ECM1: variants seen among roughly 807,000 people sequenced by gnomAD.
ECM1 encodes the protein secretory component p85.
In ECM1, 54 loss-of-function variants were observed where a neutral mutation model predicts 57.9. The ratio of observed to expected loss-of-function variants is 0.93; its 90% CI spans 0.75 to 1.17. The LOEUF (loss-of-function observed/expected upper bound fraction) is 1.17. Among genes scored for constraint, ECM1 ranks in the 50% most tolerant of loss-of-function variants. The probability of loss-of-function intolerance (pLI) is 0.00; values close to 1 mark genes in which losing one functional copy is unlikely to be tolerated. For missense variants in ECM1, 649 were observed against 688.1 expected (o/e 0.94, Z 0.64); for synonymous variants, 237 against 259.1 (o/e 0.91, Z 0.82).
In ECM1 at chr1:150,512,577, G is replaced by GTC. The variant is rs111691690; in HGVS notation, c.1304+6_1304+7insCT. 10,974 of 1,613,886 alleles carry GTC rather than the reference G, an allele frequency of 6.8e-3. 558 individuals are homozygous for GTC. In the African/African-American group the frequency reaches 0.12, roughly 17 times the overall value. On this transcript the variant is annotated splice_donor_region_variant and intron_variant, in intron 8 of 9. Transcript: ENST00000369047. Reference sequence around the variant, plus strand: ...CCAAAGAGTTCTCACCAAGCAGTAAGTTGCCTAGTCCTTCCCCACTCTCTT... The same window carrying GTC: ...CCAAAGAGTTCTCACCAAGCAGTAAGTCTTGCCTAGTCCTTCCCCACTCTCTT...
Position 150,513,763 on chromosome 1 carries a change from C to G in ECM1, c.*296C>G, listed in dbSNP as rs112603952. The G allele has an allele frequency of 0.019, 6,248 of 329,556 alleles. 357 individuals are homozygous for G. Among genetic ancestry groups the G allele is most frequent in the African/African-American group, 0.12 (5,564 of 48,326 alleles). 20.4% of individuals were successfully genotyped at this position (329,556 alleles called of 1,614,324 possible). On this transcript the variant is annotated 3_prime_UTR_variant, in exon 10 of 10. Transcript: ENST00000369047. ...GCAGATGTTCACAGGCTGTGGGATG[C>G]GACCATAACTAAACAGCTTGACGTC... is the stretch of plus-strand genomic sequence containing the variant.
chr1:150,513,026 A>G (rs1670485898), intron 9 of ECM1, among the ~76,000 whole-genome samples: 1 of 152,162 alleles, frequency 6.6e-6, no homozygotes, highest in Admixed American at 6.5e-5. Context: ...TCCGGGCCAC[A>G]AGCTTCTGGC....
At chr1:150,508,685 G>T (rs749438426) in intron 1 of ECM1, among the ~76,000 whole-genome samples, 1 of 152,124 alleles carries the variant, frequency 6.6e-6, no homozygotes, top group Non-Finnish European at 1.5e-5. Context: ...CTGATTAGAG[G>T]AGTTGAGGGG....
rs754788958 is a variant in ECM1 at position 150,511,110 on chromosome 1, G to A, written c.620G>A (p.Gly207Asp). The A allele has an allele frequency of 2.5e-6, 4 of 1,614,264 alleles. No homozygotes were observed. The highest frequency in any genetic ancestry group is 2.5e-6 in the Non-Finnish European group (3 of 1,180,054). ...QSSYSHLTRQ[G>D]ETLNFLEIGY... ...AGCTACTCCCACCTCACTCGCCAGG[G>A]TGAGACCCTCAATTTCCTGGAGATT... The change falls in exon 6 of 10, where the codon GGT becomes GAT. Residue 207 changes from glycine (G) to aspartate (D), a missense_variant. By Grantham distance (94) the Gly-to-Asp change is moderately conservative (BLOSUM62 -1). Transcript: ENST00000369047.
At position 150,509,685 on chromosome 1, in the gene ECM1, CA is replaced by C. The variant is rs2101429768; in HGVS notation, c.147del (p.Leu51TyrfsTer127). On this transcript the variant is annotated frameshift_variant, in exon 3 of 10. Coordinates refer to ENST00000369047, the MANE Select transcript of ECM1 (RefSeq NM_004425.4). LOFTEE classifies it high-confidence loss of function. ...QEVGYAAPPS[P>X]PLSRSLPMDH... is the part of the protein sequence containing the mutation. ...GTTGGCTACGCAGCTCCCCCCTCCC[CA>C]CCCCTATCCCGAAGCCTCCCCATGG... 2 of 1,612,684 alleles carry C rather than the reference CA, an allele frequency of 1.2e-6. No homozygotes were observed. The highest frequency in any genetic ancestry group is 1.7e-6 in the Non-Finnish European group (2 of 1,178,794).
At chr1:150,512,275 G>T in intron 7 of ECM1, 77 bp from the exon 8 acceptor site, 1 of 1,517,438 alleles carries the variant, frequency 6.6e-7, no homozygotes, top group Non-Finnish European at 9.1e-7. Flanking sequence ...AGTTGCCAGG[G>T]ACGATAAGGG....
rs374541753 is a variant in ECM1, at chr1:150,511,351, G to T, written c.709-106G>T. On this transcript the variant is annotated intron_variant, in intron 6 of 9. Coordinates refer to ENST00000369047, the MANE Select transcript of ECM1 (RefSeq NM_004425.4). ...CTCCCCAATGTGCCAGGGGAGCAGA[G>T]GACAACCACTGTCTCTTCTTTATCT... 418 of 1,604,280 alleles carry T rather than the reference G, an allele frequency of 2.6e-4. 3 individuals carry two copies. The South Asian group carries it at 3.1e-3, about 12-fold the overall frequency.
chr1:150,511,935 G>A, intron 7 of ECM1, 104 bp downstream of exon 7: 2 of 1,430,764 alleles, frequency 1.4e-6, no homozygotes, highest in Non-Finnish European at 1.9e-6. Context: ...CCTGCTGTGA[G>A]TGCGTCCACC....
chr1:150,512,984 G>A (rs904038783), intron 9 of ECM1, among the ~76,000 whole-genome samples, 172 bp downstream of exon 9: 1 of 152,140 alleles, frequency 6.6e-6, no homozygotes, highest in Admixed American at 6.5e-5. Context: ...GACCTGGCCT[G>A]CTCCCCATCT....
intron 1 of ECM1, among the ~76,000 whole-genome samples, chr1:150,508,515 C>T (rs1175692093): frequency 6.6e-6 from 1 of 152,110 alleles, no homozygotes; most frequent in Non-Finnish European, 1.5e-5. Context: ...GAATCCCAGT[C>T]AAATAGACAA....
chr1:150,508,197 C>A lies in ECM1; in HGVS notation c.-13C>A. On this transcript the variant is annotated 5_prime_UTR_variant, in exon 1 of 10. Transcript: ENST00000369047. The stretch of plus-strand genomic sequence containing the variant: ...GACCCACCTCTGAGTGTCCAGTGGT[C>A]AGTTGCCCCAGGATGGGGACCACAG... 6.2e-7 allele frequency: 1 copy of A among 1,613,974 alleles called. No homozygotes were observed. The highest frequency in any genetic ancestry group is 1.1e-5 in the South Asian group (1 of 91,040).
intron 1 of ECM1, among the ~76,000 whole-genome samples, chr1:150,508,695 G>A (rs768725777): frequency 3.3e-5 from 5 of 152,096 alleles, no homozygotes; most frequent in African/African-American, 1.2e-4. Context: ...GAGTTGAGGG[G>A]TGTCCATCCA....
At chr1:150,509,409 G>T in intron 1 of ECM1, 122 bp from the exon 2 acceptor site, 1 of 1,035,524 alleles carries the variant, frequency 9.7e-7, no homozygotes. Context: ...GGTGAATACA[G>T]AGGGGCATCT....
Position 150,510,966 on chromosome 1 carries a change from G to T in ECM1, c.476G>T (p.Gly159Val). ...QHCQQDRSQG[G>V]WGHRLDGFPP... ...TGCCAACAGGACCGGTCCCAAGGGG[G>T]CTGGGGCCACCGGCTGGATGGCTTC... The change falls in exon 6 of 10, where the codon GGC becomes GTC. Residue 159 changes from glycine (G) to valine (V), a missense_variant. Transcript: ENST00000369047. The T allele has an allele frequency of 6.2e-7, 1 of 1,614,234 alleles. No homozygotes were observed. Among genetic ancestry groups the T allele is most frequent in the East Asian group, 2.2e-5 (1 of 44,890 alleles).
At position 150,510,880 on chromosome 1, in the gene ECM1, G is replaced by A. The variant is rs1254682435; in HGVS notation, c.390G>A (p.Thr130=). The change falls in exon 6 of 10, where the codon ACG becomes ACA. Residue 130 remains threonine (T), a synonymous_variant. Transcript: ENST00000369047. ...LQHPNEQKEG[T]PAPFGDQSHP... is the part of the protein sequence containing the mutation. ...CCACTGTTTTCCCCATTCCAGGAAC[G>A]CCAGCTCCATTTGGGGACCAGAGCC... is the stretch of plus-strand genomic sequence containing the variant. 9 of 1,613,878 alleles carry A rather than the reference G, an allele frequency of 5.6e-6. No homozygotes were observed. Among genetic ancestry groups the A allele is most frequent in the Admixed American group, 1.7e-5 (1 of 60,002 alleles).
At position 150,511,012 on chromosome 1, in the gene ECM1, A is replaced by C; in HGVS notation, c.522A>C (p.Pro174=). ...LDGFPPGRPS[P]DNLNQICLPN... ...GCTTCCCCCCTGGGCGGCCTTCTCC[A>C]GACAATCTGAACCAAATCTGCCTTC... Residue 174 remains proline (P), a synonymous_variant, in exon 6 of 10, where the codon CCA becomes CCC. Coordinates refer to ENST00000369047, the MANE Select transcript of ECM1 (RefSeq NM_004425.4). The C allele has an allele frequency of 6.2e-7, 1 of 1,614,192 alleles. No individual in the cohort carries two copies. Among genetic ancestry groups the C allele is most frequent in the Middle Eastern group, 1.6e-4 (1 of 6,062 alleles).
At chr1:150,509,154 C>T in intron 1 of ECM1, 1 of 346,436 alleles carries the variant, frequency 2.9e-6, no homozygotes, top group South Asian at 2.8e-5. Flanking sequence ...AAGGTCCAGA[C>T]TTTTTCCTCT....
intron 7 of ECM1, 60 bp from the exon 8 acceptor site, chr1:150,512,292 A>C: frequency 1.3e-6 from 2 of 1,578,536 alleles, no homozygotes; most frequent in Admixed American, 1.7e-5. Flanking sequence ...AGGGAAGTCG[A>C]TGGTCAGGAG....
chr1:150,513,247 T>C lies in ECM1; in HGVS notation c.1403T>C (p.Phe468Ser), dbSNP rs1337755791. ...TTTCTCATTCATCAGAAATTAACCTTCATCAATGATCTGTGTGGTCCCCGA... is the reference window on the plus strand; with the variant it reads ...TTTCTCATTCATCAGAAATTAACCTCCATCAATGATCTGTGTGGTCCCCGA... ...ACCAEEEKLT[F>S]INDLCGPRRN... Residue 468 changes from phenylalanine (F) to serine (S), a missense_variant, in exon 10 of 10, where the codon TTC (phenylalanine) becomes TCC (serine). Transcript: ENST00000369047. The C allele has an allele frequency of 2.5e-6, 4 of 1,614,198 alleles. No individual in the cohort carries two copies. The highest frequency in any genetic ancestry group is 3.4e-6 in the Non-Finnish European group (4 of 1,180,014).
Sources: gnomAD v4.1 joint callset for allele counts (sites outside exome capture counted in the v4.1 genomes callset) on GRCh38, gnomAD v4.1.1 for gene constraint, MANE v1.5 for transcripts, NCBI Gene and HGNC (gene_info 2026-07-23, HGNC 2026-07-21) for gene names.